The following PPT2 variants were observed in gnomAD, a reference collection of about 807,000 sequenced individuals.
PPT2 encodes palmitoyl-protein thioesterase 2.
Under a neutral mutation model 37.3 loss-of-function variants are expected in PPT2, and 20 were observed. The observed-to-expected ratio is 0.54, with a 90% CI of 0.38 to 0.78. The LOEUF (loss-of-function observed/expected upper bound fraction) is 0.78, where lower values mean the gene tolerates loss of function less well. Ranked by LOEUF, PPT2 falls within the 30% of genes least tolerant of loss-of-function variation. The pLI, the probability that PPT2 is intolerant of heterozygous loss-of-function variation, is 0.00. For synonymous variants in PPT2, 135 were observed against 159.1 expected (o/e 0.85, Z 1.14); for missense variants, 270 against 389.8 (o/e 0.69, Z 2.59).
chr6:32,162,376 T>C lies in PPT2; in HGVS notation c.711-192T>C, dbSNP rs866585856. On this transcript the variant is annotated intron_variant, in intron 7 of 8. Transcript: ENST00000324816. The surrounding 1 kb of genome is among the most constrained non-coding windows in gnomAD (Gnocchi z 5.5). ...CTGGGCTTGCAGGCATCTGCCACCA[T>C]GCCCAGCTAATTTTTGTATTTTTAG... is the stretch of plus-strand genomic sequence containing the variant. 1.3e-5 allele frequency among the ~76,000 whole-genome samples: 2 copies of C among 151,854 alleles called. No homozygotes were observed. The highest frequency in any genetic ancestry group is 1.3e-4 in the Admixed American group (2 of 15,252).
intron 7 of PPT2, among the ~76,000 whole-genome samples, chr6:32,161,815 C>T (rs548194576): frequency 6.6e-6 from 1 of 152,076 alleles, no homozygotes; most frequent in East Asian, 1.9e-4. Flanking sequence ...AATTCCTGAC[C>T]TCAGATGATC....
At chr6:32,158,020 T>G (rs1372851284) in intron 7 of PPT2, 96 bp downstream of exon 7, 1 of 1,088,724 alleles carries the variant, frequency 9.2e-7, no homozygotes, top group South Asian at 1.5e-5. Context: ...CTCCTTCCAC[T>G]GTTCAGTTAG....
In PPT2 at chr6:32,156,095, C is replaced by A. The variant is rs892844191; in HGVS notation, c.541+117C>A. ...ACTTACATTTATTGAGTTATTTGAACAGGCTCTGTTCAGAATTTTTTTTTT... is the reference window on the plus strand; with the variant it reads ...ACTTACATTTATTGAGTTATTTGAAAAGGCTCTGTTCAGAATTTTTTTTTT... On this transcript the variant is annotated intron_variant, in intron 5 of 8. Coordinates refer to ENST00000324816, the MANE Select transcript of PPT2 (RefSeq NM_005155.7). This position sits in a 1 kb window ranked among gnomAD's most constrained non-coding sequence, Gnocchi z 4.9. 5 of 869,368 alleles carry A rather than the reference C, an allele frequency of 5.8e-6. No individual in the cohort carries two copies. The South Asian group carries it at 8.0e-5, about 14-fold the overall frequency. The allele number at this position is 869,368 out of a possible 1,614,324, so 53.9% of individuals were successfully genotyped here.
chr6:32,158,104 C>T (rs983872740), intron 7 of PPT2, 180 bp downstream of exon 7: 5 of 573,708 alleles, frequency 8.7e-6, no homozygotes, highest in Non-Finnish European at 1.2e-5. Context: ...TGTATCAAGC[C>T]AGTCACTAAG....
Position 32,162,685 on chromosome 6 carries a change from T to C in PPT2, c.765+63T>C. ...TCCCACCTTATTCCAGAGCCCTCTCTGTGACTCCTGAGCTGAAGGGTTCAC... is the reference window on the plus strand; with the variant it reads ...TCCCACCTTATTCCAGAGCCCTCTCCGTGACTCCTGAGCTGAAGGGTTCAC... On this transcript the variant is annotated intron_variant, in intron 8 of 8. Coordinates refer to ENST00000324816, the MANE Select transcript of PPT2 (RefSeq NM_005155.7). This position sits in a 1 kb window ranked among gnomAD's most constrained non-coding sequence, Gnocchi z 5.5. 2 of 1,574,472 alleles carry C rather than the reference T, an allele frequency of 1.3e-6. No individual in the cohort carries two copies. Among genetic ancestry groups the C allele is most frequent in the Non-Finnish European group, 1.7e-6 (2 of 1,143,994 alleles).
upstream of PPT2, chr6:32,153,800 G>A: frequency 9.3e-7 from 1 of 1,071,900 alleles, no homozygotes. The surrounding 1 kb of genome is among the most constrained non-coding windows in gnomAD (Gnocchi z 4.4). Context: ...GCCCCTTGGG[G>A]AATGCAAACT....
rs574316426 is a variant in PPT2, at chr6:32,156,403, G to A, written c.541+425G>A. ...TTACAGGTGTGAACCATTGCACCTG[G>A]CCCAGAATGTTTTAAGTGTGTCACC... On this transcript the variant is annotated intron_variant, in intron 5 of 8. Transcript: ENST00000324816. The surrounding 1 kb of genome is among the most constrained non-coding windows in gnomAD (Gnocchi z 4.9). Among the ~76,000 whole-genome samples, 2 of 152,182 alleles carry A rather than the reference G, an allele frequency of 1.3e-5. No homozygotes were observed. Among genetic ancestry groups the A allele is most frequent in the Non-Finnish European group, 2.9e-5 (2 of 68,042 alleles).
rs2127385778 is a variant in PPT2 at position 32,154,556 on chromosome 6, C to T, written c.-8-31C>T. The T allele has an allele frequency of 2.5e-6, 4 of 1,577,280 alleles. No homozygotes were observed. The South Asian group carries it at 3.4e-5, about 14-fold the overall frequency. On this transcript the variant is annotated intron_variant, in intron 1 of 8. Transcript: ENST00000324816. This position sits in a 1 kb window ranked among gnomAD's most constrained non-coding sequence, Gnocchi z 7.3. ...CCGAGGGAGGAGGGTGTTGCCATCT[C>T]CCTCACATGCCCTTATCACCCCTTT...
In PPT2 at chr6:32,160,987, CA is replaced by C. The variant is rs9281663; in HGVS notation, c.711-1565del. Among the ~76,000 whole-genome samples the C allele has an allele frequency of 8.8e-3, 940 of 107,040 alleles. 4 individuals carry two copies. Among genetic ancestry groups the C allele is most frequent in the African/African-American group, 0.021 (607 of 28,744 alleles). 70.2% of individuals were successfully genotyped at this position (107,040 alleles called of 152,430 possible). A position where few individuals can be genotyped will look rare whatever the true frequency, so the allele number is the denominator to read the frequency against. On this transcript the variant is annotated intron_variant, in intron 7 of 8. Transcript: ENST00000324816. ...TGGGTGACAGAGTAAGACCCTGTCT[CA>C]AAAAAAAAAAAAAAAGTTACCAAAA... is the stretch of plus-strand genomic sequence containing the variant.
Position 32,162,537 on chromosome 6 carries a change from T to C in PPT2, c.711-31T>C. The C allele has an allele frequency of 1.3e-6, 2 of 1,584,036 alleles. No homozygotes were observed. Among genetic ancestry groups the C allele is most frequent in the Non-Finnish European group, 1.7e-6 (2 of 1,152,668 alleles). ...GCCCGGCCAGATTTTCTCCAGCTCT[T>C]CTGATAACCTCCCCCCAAATCTCTT... is the stretch of plus-strand genomic sequence containing the variant. On this transcript the variant is annotated intron_variant, in intron 7 of 8. Transcript: ENST00000324816. The surrounding 1 kb of genome is among the most constrained non-coding windows in gnomAD (Gnocchi z 5.5).
At position 32,162,445 on chromosome 6, in the gene PPT2, C is replaced by T; in HGVS notation, c.711-123C>T. 2 of 960,980 alleles carry T rather than the reference C, an allele frequency of 2.1e-6. No individual in the cohort carries two copies. The highest frequency in any genetic ancestry group is 3.3e-6 in the Non-Finnish European group (2 of 604,550). The allele number at this position is 960,980 out of a possible 1,614,324, so 59.5% of individuals were successfully genotyped here. Reference sequence around the variant, plus strand: ...ATTTTGGTCAGGCTGGTCTTGAACTCCTGGCCTCAGGTGATTTGCCCTCCT... The same window carrying T: ...ATTTTGGTCAGGCTGGTCTTGAACTTCTGGCCTCAGGTGATTTGCCCTCCT... On this transcript the variant is annotated intron_variant, in intron 7 of 8. Transcript: ENST00000324816. This position sits in a 1 kb window ranked among gnomAD's most constrained non-coding sequence, Gnocchi z 5.5.
chr6:32,154,820 A>G lies in PPT2; in HGVS notation c.183+43A>G, dbSNP rs1301824779. 6.3e-7 allele frequency: 1 copy of G among 1,588,130 alleles called. No individual in the cohort carries two copies. The highest frequency in any genetic ancestry group is 1.7e-5 in the Admixed American group (1 of 58,112). ...TGGGTGCAGGGCGTTAGAGGCGTCT[A>G]CTGTGGCAGGGGAGGGAGAGCGGGG... On this transcript the variant is annotated intron_variant, in intron 2 of 8. Coordinates refer to ENST00000324816, the MANE Select transcript of PPT2 (RefSeq NM_005155.7). This position sits in a 1 kb window ranked among gnomAD's most constrained non-coding sequence, Gnocchi z 7.3.
In PPT2 at chr6:32,155,038, C is replaced by T. The variant is rs768512840; in HGVS notation, c.192C>T (p.Pro64=). The change falls in exon 3 of 9, where the codon CCC becomes CCT. Residue 64 remains proline (P), a synonymous_variant. Transcript: ENST00000324816. The surrounding 1 kb of genome is among the most constrained non-coding windows in gnomAD (Gnocchi z 4.3). ...TTGCCCCCTTCCCACAGACACACCC[C>T]GGGACTGTGGTGACAGTGCTCGATC... is the stretch of plus-strand genomic sequence containing the variant. The part of the protein sequence containing the change: ...HLLEYINETH[P]GTVVTVLDLF... 4.3e-6 allele frequency: 7 copies of T among 1,612,802 alleles called. 1 individual carries two copies. The highest frequency in any genetic ancestry group is 1.3e-5 in the African/African-American group (1 of 74,890).
At chr6:32,154,010 C>A (rs1212688534), upstream of PPT2, 13 of 1,235,418 alleles carry the variant, frequency 1.1e-5, no homozygotes, top group Non-Finnish European at 1.3e-5. This position sits in a 1 kb window ranked among gnomAD's most constrained non-coding sequence, Gnocchi z 7.3. Flanking sequence ...ACCTAGGGCG[C>A]AATGGAATAT....
upstream of PPT2, chr6:32,153,583 A>T (rs761280969): frequency 1.9e-6 from 3 of 1,576,748 alleles, no homozygotes; most frequent in South Asian, 2.3e-5. The surrounding 1 kb of genome is among the most constrained non-coding windows in gnomAD (Gnocchi z 4.4). Context: ...GGCCTCGAGG[A>T]CTCTCTGCGT....
Position 32,154,935 on chromosome 6 carries a change from A to G in PPT2, c.184-95A>G. On this transcript the variant is annotated intron_variant, in intron 2 of 8. Coordinates refer to ENST00000324816, the MANE Select transcript of PPT2 (RefSeq NM_005155.7). The surrounding 1 kb of genome is among the most constrained non-coding windows in gnomAD (Gnocchi z 7.3). ...GTTGGGGGACGGGATCCCTGGTTCT[A>G]GCAGGGTACAATAGACCTGTGGACG... 6.4e-7 allele frequency: 1 copy of G among 1,567,372 alleles called. No homozygotes were observed. Among genetic ancestry groups the G allele is most frequent in the Non-Finnish European group, 8.7e-7 (1 of 1,145,950 alleles).
chr6:32,156,062 T>G lies in PPT2; in HGVS notation c.541+84T>G, dbSNP rs1253432212. Reference sequence around the variant, plus strand: ...CTACAACCAATAGCAGTGATGACAATAAAGATAACTTACATTTATTGAGTT... The same window carrying G: ...CTACAACCAATAGCAGTGATGACAAGAAAGATAACTTACATTTATTGAGTT... On this transcript the variant is annotated intron_variant, in intron 5 of 8. Transcript: ENST00000324816. This position sits in a 1 kb window ranked among gnomAD's most constrained non-coding sequence, Gnocchi z 4.9. 12 of 1,058,232 alleles carry G rather than the reference T, an allele frequency of 1.1e-5. No individual in the cohort carries two copies. Among genetic ancestry groups the G allele is most frequent in the Non-Finnish European group, 1.6e-5 (11 of 691,740 alleles). The allele number at this position is 1,058,232 out of a possible 1,614,324, so 65.6% of individuals were successfully genotyped here. A position where few individuals can be genotyped will look rare whatever the true frequency, so the allele number is the denominator to read the frequency against.
In PPT2 at chr6:32,155,330, G is replaced by C; in HGVS notation, c.337+147G>C. 1.1e-6 allele frequency: 1 copy of C among 947,784 alleles called. No homozygotes were observed. Among genetic ancestry groups the C allele is most frequent in the Non-Finnish European group, 1.6e-6 (1 of 636,228 alleles). The allele number at this position is 947,784 out of a possible 1,614,324, so 58.7% of individuals were successfully genotyped here. A position where few individuals can be genotyped will look rare whatever the true frequency, so the allele number is the denominator to read the frequency against. On this transcript the variant is annotated intron_variant, in intron 3 of 8. Coordinates refer to ENST00000324816, the MANE Select transcript of PPT2 (RefSeq NM_005155.7). This position sits in a 1 kb window ranked among gnomAD's most constrained non-coding sequence, Gnocchi z 4.3. ...AGCCCTTCCTTTCTGACTTCCCTCA[G>C]CACCTGGGTCTCATCTCTGTCTTGA...
chr6:32,155,939 C>A lies in PPT2; in HGVS notation c.502C>A (p.Pro168Thr). ...RSNLYRICYSPWGQEFSICNY... is the reference protein window; with the variant it reads ...RSNLYRICYSTWGQEFSICNY... ...TAACCTCTATCGGATCTGCTATAGC[C>A]CCTGGGGCCAGGAATTCTCCATCTG... Residue 168 changes from proline to threonine, a missense_variant, in exon 5 of 9, where the codon CCC (proline) becomes ACC (threonine). Physicochemically the swap from Pro to Thr is conservative, Grantham distance 38. Transcript: ENST00000324816. The surrounding 1 kb of genome is among the most constrained non-coding windows in gnomAD (Gnocchi z 4.3). 2 of 1,613,940 alleles carry A rather than the reference C, an allele frequency of 1.2e-6. No individual in the cohort carries two copies. Among genetic ancestry groups the A allele is most frequent in the Non-Finnish European group, 1.7e-6 (2 of 1,179,974 alleles).
Sources: gnomAD v4.1 joint callset for allele counts (sites outside exome capture counted in the v4.1 genomes callset) on GRCh38, gnomAD v4.1.1 for gene constraint, Gnocchi (gnomAD v3.1) non-coding constraint, MANE v1.5 for transcripts, NCBI Gene and HGNC (gene_info 2026-07-23, HGNC 2026-07-21) for gene names.